LYPD6B: variants seen among roughly 807,000 people sequenced by gnomAD.
The protein encoded by LYPD6B is ly6/PLAUR domain-containing protein 6B.
A neutral mutation model predicts 22.8 loss-of-function variants in LYPD6B; 17 were observed. The observed-to-expected ratio is 0.75, with a 90% CI of 0.51 to 1.12. The LOEUF is 1.12. Among genes scored for constraint, LYPD6B ranks in the 50% most tolerant of loss-of-function variants. LYPD6B has a pLI of 0.00. For synonymous variants in LYPD6B, 106 were observed against 91.6 expected (o/e 1.16, Z -0.90); for missense variants, 221 against 258.3 (o/e 0.86, Z 0.99).
At chr2:149,196,653 A>G (rs185697459) in intron 3 of LYPD6B, among the ~76,000 whole-genome samples, 23 of 152,308 alleles carry the variant, frequency 1.5e-4, no homozygotes, top group African/African-American at 5.5e-4. Flanking sequence ...TCTAGGGACA[A>G]TTTTACAATC....
intron 3 of LYPD6B, among the ~76,000 whole-genome samples, chr2:149,181,331 C>T (rs1691704437): frequency 6.6e-6 from 1 of 151,762 alleles, no homozygotes; most frequent in Non-Finnish European, 1.5e-5. Context: ...TGGCTTAATC[C>T]ATGTTAAGTT....
intron 3 of LYPD6B, among the ~76,000 whole-genome samples, chr2:149,168,329 C>G (rs759406239): frequency 3.9e-5 from 6 of 152,028 alleles, no homozygotes; most frequent in African/African-American, 7.2e-5. Flanking sequence ...GCACATGTGC[C>G]CGTCAGGTTC....
At position 149,167,447 on chromosome 2, in the gene LYPD6B, A is replaced by T. The variant is rs140674627; in HGVS notation, c.77+6612A>T. Among the ~76,000 whole-genome samples the T allele has an allele frequency of 6.7e-3, 1,020 of 152,318 alleles. 13 individuals carry two copies. The highest frequency in any genetic ancestry group is 0.024 in the African/African-American group (984 of 41,562). On this transcript the variant is annotated intron_variant, in intron 3 of 6. Transcript: ENST00000409642. ...GCTTTTTAGGAGGTTTGGTTGATTA[A>T]CATGAGTTTGCCTTTGGCTTTTGCT...
intron 2 of LYPD6B, among the ~76,000 whole-genome samples, chr2:149,147,677 C>T (rs532557200): frequency 6.6e-6 from 1 of 152,094 alleles, no homozygotes; most frequent in Non-Finnish European, 1.5e-5. Context: ...CCACGCCCGG[C>T]TAATTTTTGT....
chr2:149,077,896 G>A (rs1314466695), intron 1 of LYPD6B, among the ~76,000 whole-genome samples: 2 of 152,238 alleles, frequency 1.3e-5, no homozygotes, highest in African/African-American at 4.8e-5. Context: ...AAGAAAGTGA[G>A]TTGGAATGGC....
At chr2:149,198,678 T>G (rs1274577730) in intron 3 of LYPD6B, among the ~76,000 whole-genome samples, 1 of 152,228 alleles carries the variant, frequency 6.6e-6, no homozygotes, top group Non-Finnish European at 1.5e-5. Flanking sequence ...AGAAAAAGCT[T>G]CTGTCTTTGG....
chr2:149,063,450 C>T (rs11888894), intron 1 of LYPD6B, among the ~76,000 whole-genome samples: 3,365 of 152,222 alleles, frequency 0.022, 120 homozygotes, highest in African/African-American at 0.076. Context: ...GAATTCTTAG[C>T]TGATTGATGC....
chr2:149,213,268 A>G, intron 6 of LYPD6B, 146 bp downstream of exon 6: 9 of 1,099,558 alleles, frequency 8.2e-6, no homozygotes, highest in Non-Finnish European at 1.2e-5. Context: ...AATGGAGACC[A>G]AAGAACAGAC....
chr2:149,151,957 C>G (rs1268273671), intron 2 of LYPD6B, among the ~76,000 whole-genome samples: 1 of 152,148 alleles, frequency 6.6e-6, no homozygotes, highest in Non-Finnish European at 1.5e-5. Flanking sequence ...CCATTCTGTG[C>G]TTTTTACAGA....
chr2:149,079,995 A>G (rs1685052416), intron 1 of LYPD6B, among the ~76,000 whole-genome samples: 1 of 152,242 alleles, frequency 6.6e-6, no homozygotes, highest in Admixed American at 6.5e-5. Context: ...AGATAAGGAT[A>G]GCACCGCTTT....
intron 3 of LYPD6B, among the ~76,000 whole-genome samples, chr2:149,203,923 T>C (rs1039878510): frequency 1.3e-5 from 2 of 152,232 alleles, no homozygotes; most frequent in Non-Finnish European, 2.9e-5. Flanking sequence ...AGAAAATTCC[T>C]AGAATCTATG....
At chr2:149,080,841 C>CAAAAAAAAAAAA in intron 1 of LYPD6B, among the ~76,000 whole-genome samples, 1 of 46,228 alleles carries the variant, frequency 2.2e-5, no homozygotes, top group Non-Finnish European at 3.7e-5. Context: ...GACTCTATCT[C>CAAAAAAAAAAAA]AAAAAAAAAA....
intron 2 of LYPD6B, among the ~76,000 whole-genome samples, chr2:149,138,447 G>T (rs554431518): frequency 2.9e-4 from 44 of 152,358 alleles, no homozygotes; most frequent in African/African-American, 1.1e-3. Context: ...AGGTGCAGAT[G>T]TGGATGGGAA....
intron 1 of LYPD6B, among the ~76,000 whole-genome samples, chr2:149,061,487 C>T (rs963007861): frequency 2.1e-4 from 32 of 152,100 alleles, no homozygotes; most frequent in African/African-American, 7.5e-4. Context: ...CCCTGGTAGC[C>T]CCCTGTGAGG....
chr2:149,138,400 A>G (rs755968682), intron 2 of LYPD6B, among the ~76,000 whole-genome samples: 21 of 152,218 alleles, frequency 1.4e-4, no homozygotes, highest in Non-Finnish European at 1.5e-4. Context: ...AAAGATGTAG[A>G]GAAGGAGCTA....
intron 1 of LYPD6B, among the ~76,000 whole-genome samples, chr2:149,083,110 T>C (rs1685211759): frequency 6.6e-6 from 1 of 151,900 alleles, no homozygotes; most frequent in Non-Finnish European, 1.5e-5. Context: ...GGGAATAAAA[T>C]GTCACAGGGG....
chr2:149,129,209 A>G (rs1036515705), intron 1 of LYPD6B, among the ~76,000 whole-genome samples: 3 of 152,228 alleles, frequency 2.0e-5, no homozygotes, highest in African/African-American at 7.2e-5. Context: ...TATGTTTAGG[A>G]CAGTTCTTGA....
intron 1 of LYPD6B, among the ~76,000 whole-genome samples, chr2:149,093,136 A>G (rs993597597): frequency 6.6e-6 from 1 of 152,218 alleles, no homozygotes; most frequent in African/African-American, 2.4e-5. Flanking sequence ...TTTGGAGGGC[A>G]GGGAGCAGAG....
intron 1 of LYPD6B, among the ~76,000 whole-genome samples, 152 bp from the exon 2 acceptor site, chr2:149,130,731 G>A (rs563608068): frequency 3.9e-5 from 6 of 152,252 alleles, no homozygotes; most frequent in Non-Finnish European, 7.4e-5. Context: ...GGTCTTTCTT[G>A]TACCTGGTTT....
Sources: allele counts gnomAD v4.1 joint callset (sites outside exome capture counted in the v4.1 genomes callset), GRCh38; gene constraint gnomAD v4.1.1; transcripts MANE v1.5; gene names NCBI Gene and HGNC (gene_info 2026-07-23, HGNC 2026-07-21).